The following RAD51B variants were observed in gnomAD, a reference collection of about 807,000 sequenced individuals.
The protein encoded by RAD51B is RAD51 paralog B.
RAD51B carries 38 observed loss-of-function variants against 42.2 expected under a neutral mutation model. The observed-to-expected ratio is 0.90, with a 90% CI of 0.70 to 1.18. The LOEUF (loss-of-function observed/expected upper bound fraction) is 1.18, where lower values mean the gene tolerates loss of function less well. RAD51B is among the 50% of genes most tolerant of loss of function. The pLI is 0.00. For missense variants in RAD51B, 373 were observed against 400.7 expected (o/e 0.93, Z 0.59); for synonymous variants, 154 against 145.2 (o/e 1.06, Z -0.43).
chr14:68,622,839 G>A (rs917275665), intron 10 of RAD51B, among the ~76,000 whole-genome samples: 1 of 151,956 alleles, frequency 6.6e-6, no homozygotes, highest in Non-Finnish European at 1.5e-5. Flanking sequence ...GGTCACAGCT[G>A]GGGAAAACGA....
chr14:68,208,647 C>T (rs1033322701), intron 7 of RAD51B, among the ~76,000 whole-genome samples: 1 of 152,176 alleles, frequency 6.6e-6, no homozygotes, highest in Non-Finnish European at 1.5e-5. Flanking sequence ...AAGCCCCTTG[C>T]TTTCCACAGG....
rs533934893 is a variant in RAD51B, at chr14:67,902,461, G to T, written c.756+15257G>T. Among the ~76,000 whole-genome samples, 5 of 152,284 alleles carry T rather than the reference G, an allele frequency of 3.3e-5. No individual in the cohort carries two copies. In the East Asian group the frequency reaches 9.7e-4, roughly 29 times the overall value. On this transcript the variant is annotated intron_variant, in intron 7 of 10. Coordinates refer to ENST00000471583, the MANE Select transcript of RAD51B (RefSeq NM_133510.4). ...AATGAATCAGAATTTTCTAAGCTCA[G>T]ATAATGCACTTAACTCAATTTGTTC...
intron 8 of RAD51B, among the ~76,000 whole-genome samples, chr14:68,392,348 G>C (rs2083782069): frequency 6.6e-6 from 1 of 152,094 alleles, no homozygotes; most frequent in Non-Finnish European, 1.5e-5. Flanking sequence ...TGGAATGTAG[G>C]GGGTGCCCTG....
At chr14:68,119,539 A>G (rs113275574) in intron 7 of RAD51B, among the ~76,000 whole-genome samples, 41 of 136,496 alleles carry the variant, frequency 3.0e-4, no homozygotes, top group African/African-American at 9.8e-4. Context: ...TCATTGTTCA[A>G]TTCCCACCTA....
At chr14:68,350,422 A>G (rs1229908422) in intron 8 of RAD51B, among the ~76,000 whole-genome samples, 1 of 152,218 alleles carries the variant, frequency 6.6e-6, no homozygotes, top group African/African-American at 2.4e-5. Flanking sequence ...TGAATGGACC[A>G]AATCCAGAAG....
At chr14:68,518,563 C>CG (rs1267409917) in intron 10 of RAD51B, among the ~76,000 whole-genome samples, 1 of 151,054 alleles carries the variant, frequency 6.6e-6, no homozygotes, top group Non-Finnish European at 1.5e-5. Context: ...AGCCCCCCCC[C>CG]CAGGCCTCCC....
exon 11 of RAD51B, chr14:68,611,558 C>T (rs918177075): frequency 2.5e-5 from 11 of 433,826 alleles, no homozygotes; most frequent in Admixed American, 3.9e-5. Flanking sequence ...CTTGCAGCTC[C>T]TAGGAGGAAA....
At chr14:68,546,711 G>C (rs541674375) in intron 10 of RAD51B, among the ~76,000 whole-genome samples, 2 of 152,120 alleles carry the variant, frequency 1.3e-5, no homozygotes, top group Non-Finnish European at 1.5e-5. Flanking sequence ...AGAGGAGCTG[G>C]GGGGAGGAGA....
intron 7 of RAD51B, among the ~76,000 whole-genome samples, chr14:67,988,111 G>T (rs2075226273): frequency 6.6e-6 from 1 of 152,074 alleles, no homozygotes; most frequent in Non-Finnish European, 1.5e-5. Flanking sequence ...ATGAACCCAA[G>T]AACTCTTCCT....
intron 7 of RAD51B, among the ~76,000 whole-genome samples, chr14:68,154,906 C>T (rs1192180746): frequency 6.6e-6 from 1 of 152,090 alleles, no homozygotes; most frequent in East Asian, 1.9e-4. Context: ...AATCACAAAA[C>T]AGGGAATCTC....
intron 7 of RAD51B, among the ~76,000 whole-genome samples, chr14:68,073,481 C>A (rs1006645085): frequency 2.0e-5 from 3 of 152,106 alleles, no homozygotes; most frequent in South Asian, 2.1e-4. Context: ...ATTCAACTTG[C>A]CACTTTGTGC....
At chr14:68,572,335 C>A (rs1438119638) in intron 10 of RAD51B, among the ~76,000 whole-genome samples, 1 of 152,240 alleles carries the variant, frequency 6.6e-6, no homozygotes, top group Non-Finnish European at 1.5e-5. Context: ...GCCTCCCAGA[C>A]GTCACACCTT....
chr14:68,181,251 T>C (rs1402346883), intron 7 of RAD51B, among the ~76,000 whole-genome samples: 1 of 152,240 alleles, frequency 6.6e-6, no homozygotes. Flanking sequence ...TCCCCAGATT[T>C]AGTGCTCCAT....
chr14:67,871,244 A>G (rs954411194), intron 5 of RAD51B, among the ~76,000 whole-genome samples: 8 of 152,120 alleles, frequency 5.3e-5, no homozygotes, highest in African/African-American at 1.9e-4. Context: ...ATAAAAAATG[A>G]TAAAGGGGAT....
At chr14:68,458,110 G>A (rs1307231611) in intron 9 of RAD51B, among the ~76,000 whole-genome samples, 1 of 152,050 alleles carries the variant, frequency 6.6e-6, no homozygotes, top group African/African-American at 2.4e-5. Context: ...AAATAAGATG[G>A]GTTGATAGAT....
At chr14:68,223,889 G>A (rs1184876576) in intron 7 of RAD51B, among the ~76,000 whole-genome samples, 2 of 152,198 alleles carry the variant, frequency 1.3e-5, no homozygotes, top group African/African-American at 2.4e-5. Flanking sequence ...AGCCAGCAGG[G>A]AGGGAGGCTT....
At position 68,229,702 on chromosome 14, in the gene RAD51B, A is replaced by ACCTGTTCAGTGCTG. The variant is rs1555376701; in HGVS notation, c.757-62172_757-62171insGCTGCCTGTTCAGT. Reference sequence around the variant, plus strand: ...ATTCCCTACAAGGCCTTTGGCGTGTACCTGTTCAGTTGGTCAGTCACCCTG... The same window carrying ACCTGTTCAGTGCTG: ...ATTCCCTACAAGGCCTTTGGCGTGTACCTGTTCAGTGCTGCCTGTTCAGTTGGTCAGTCACCCTG... On this transcript the variant is annotated intron_variant, in intron 7 of 10. Coordinates refer to ENST00000471583, the MANE Select transcript of RAD51B (RefSeq NM_133510.4). Among the ~76,000 whole-genome samples, 819 of 152,268 alleles carry ACCTGTTCAGTGCTG rather than the reference A, an allele frequency of 5.4e-3. 5 individuals carry two copies. The highest frequency in any genetic ancestry group is 0.019 in the African/African-American group (795 of 41,536).
chr14:68,173,454 G>T (rs1418431924), intron 7 of RAD51B, among the ~76,000 whole-genome samples: 1 of 152,200 alleles, frequency 6.6e-6, no homozygotes, highest in African/African-American at 2.4e-5. Flanking sequence ...CCTAAGTGGG[G>T]AATTAACTTT....
intron 7 of RAD51B, among the ~76,000 whole-genome samples, chr14:67,888,140 A>G (rs2043116725): frequency 6.6e-6 from 1 of 152,232 alleles, no homozygotes; most frequent in Non-Finnish European, 1.5e-5. Flanking sequence ...GAAGAAGTCA[A>G]GGGAGAAAAT....
Sources: gnomAD v4.1 joint callset for allele counts (sites outside exome capture counted in the v4.1 genomes callset) on GRCh38, gnomAD v4.1.1 for gene constraint, MANE v1.5 for transcripts, NCBI Gene and HGNC (gene_info 2026-07-23, HGNC 2026-07-21) for gene names.